The following MAP3K5 variants were observed in gnomAD, a reference collection of about 807,000 sequenced individuals.
The protein encoded by MAP3K5 is ASK-1.
A neutral mutation model predicts 158.7 loss-of-function variants in MAP3K5; 56 were observed. The observed-to-expected ratio is 0.35, with a 90% CI of 0.28 to 0.44. MAP3K5 has a LOEUF of 0.44. Among genes scored for constraint, MAP3K5 ranks in the 20% least tolerant of loss-of-function variants. MAP3K5 has a pLI of 1.00. For synonymous variants in MAP3K5, 579 were observed against 601.7 expected, an observed-to-expected ratio of 0.96 and a Z score of 0.55; for missense variants, 1,294 against 1,674.8, an observed-to-expected ratio of 0.77 and a Z score of 3.97.
intron 7 of MAP3K5, among the ~76,000 whole-genome samples, chr6:136,676,001 G>A (rs1276849357): frequency 6.6e-6 from 1 of 152,094 alleles, no homozygotes; most frequent in African/African-American, 2.4e-5. Flanking sequence ...AACAACATGG[G>A]TAAAATGAAA....
Position 136,613,079 on chromosome 6 carries a change from CAAAG to C in MAP3K5, c.2415+37_2415+40del. Reference sequence around the variant, plus strand: ...TTTTGCAAGTAAAATAATAACCCAGCAAAGAAAGAACTCATGAAAATGAATGCTG... The same window carrying C: ...TTTTGCAAGTAAAATAATAACCCAGCAAAGAACTCATGAAAATGAATGCTG... On this transcript the variant is annotated intron_variant, in intron 17 of 29. Coordinates refer to ENST00000359015, the MANE Select transcript of MAP3K5 (RefSeq NM_005923.4). This position sits in a 1 kb window ranked among gnomAD's most constrained non-coding sequence, Gnocchi z 4.0. 6 of 1,547,716 alleles carry C rather than the reference CAAAG, an allele frequency of 3.9e-6. No homozygotes were observed. The highest frequency in any genetic ancestry group is 5.2e-6 in the Non-Finnish European group (6 of 1,149,154).
At chr6:136,670,096 G>C (rs1279118656) in intron 7 of MAP3K5, among the ~76,000 whole-genome samples, 1 of 152,070 alleles carries the variant, frequency 6.6e-6, no homozygotes, top group Non-Finnish European at 1.5e-5. Flanking sequence ...GAAAAGCAGA[G>C]ATGTAGAGTA....
intron 8 of MAP3K5, among the ~76,000 whole-genome samples, chr6:136,666,966 GA>G (rs1779254692): frequency 6.6e-6 from 1 of 152,056 alleles, no homozygotes; most frequent in Non-Finnish European, 1.5e-5. Flanking sequence ...AGTTCTTCCT[GA>G]AAAAAATTAA....
Position 136,695,943 on chromosome 6 carries a change from C to T in MAP3K5, c.1082+8G>A. 6.4e-7 allele frequency: 1 copy of T among 1,572,724 alleles called. No individual in the cohort carries two copies. The highest frequency in any genetic ancestry group is 8.7e-7 in the Non-Finnish European group (1 of 1,147,452). On this transcript the variant is annotated splice_region_variant and intron_variant, in intron 6 of 29. Coordinates refer to ENST00000359015, the MANE Select transcript of MAP3K5 (RefSeq NM_005923.4). Reference sequence around the variant, plus strand: ...AACGCATTCTGGAAGGGAACTTTTTCTTCTTACCTATTCAGTGCAAATGCA... The same window carrying T: ...AACGCATTCTGGAAGGGAACTTTTTTTTCTTACCTATTCAGTGCAAATGCA...
chr6:136,678,685 T>G (rs936629408), intron 7 of MAP3K5, among the ~76,000 whole-genome samples: 21 of 152,324 alleles, frequency 1.4e-4, no homozygotes, highest in African/African-American at 5.1e-4. Flanking sequence ...GTTGATTTTT[T>G]TTTTATTTTA....
intron 1 of MAP3K5, among the ~76,000 whole-genome samples, chr6:136,783,630 G>A (rs865842939): frequency 2.0e-4 from 30 of 152,306 alleles, no homozygotes; most frequent in Middle Eastern, 3.4e-3. Flanking sequence ...GGCAAATGCT[G>A]GCATGTTCTA....
Position 136,791,878 on chromosome 6 carries a change from C to A in MAP3K5, c.280G>T (p.Ala94Ser), listed in dbSNP as rs1191470646. 6.2e-7 allele frequency: 1 copy of A among 1,613,468 alleles called. No individual in the cohort carries two copies. The highest frequency in any genetic ancestry group is 8.5e-7 in the Non-Finnish European group (1 of 1,179,994). Residue 94 changes from alanine (A) to serine (S), a missense_variant, in exon 1 of 30, where the codon GCA becomes TCA. Around this residue, in one of 5 missense-constraint regions of MAP3K5, gnomAD observed 690 missense variants for 870.5 expected, o/e 0.79. Coordinates refer to ENST00000359015, the MANE Select transcript of MAP3K5 (RefSeq NM_005923.4). ...VGGGSRRTTV[A>S]YVINEASQGQ... is the part of the protein sequence containing the mutation. ...TGGCTCGCTTCGTTGATCACATATG[C>A]CACCGTGGTCCGTCGGCTGCCCCCG...
intron 28 of MAP3K5, among the ~76,000 whole-genome samples, chr6:136,559,634 A>G (rs1001738784): frequency 6.6e-6 from 1 of 152,256 alleles, no homozygotes; most frequent in Non-Finnish European, 1.5e-5. Context: ...AAGCAAAGGC[A>G]CTTGACTGTA....
At chr6:136,734,955 TC>T (rs552895000) in intron 1 of MAP3K5, among the ~76,000 whole-genome samples, 431 of 152,326 alleles carry the variant, frequency 2.8e-3, no homozygotes, top group African/African-American at 0.01. Flanking sequence ...ATCCAACTGT[TC>T]CTCACAGATG....
At chr6:136,791,592 C>T in intron 1 of MAP3K5, 118 bp downstream of exon 1, 2 of 1,122,746 alleles carry the variant, frequency 1.8e-6, no homozygotes, top group Admixed American at 2.0e-5. Flanking sequence ...GCGCTCGCTG[C>T]CCCCAAAGTG....
intron 2 of MAP3K5, among the ~76,000 whole-genome samples, chr6:136,717,855 A>G: frequency 6.6e-6 from 1 of 152,186 alleles, no homozygotes; most frequent in Non-Finnish European, 1.5e-5. Flanking sequence ...CAGGCTAGGA[A>G]TAGTCTAAAT....
At chr6:136,680,666 A>G (rs1779894813) in intron 7 of MAP3K5, among the ~76,000 whole-genome samples, 1 of 152,204 alleles carries the variant, frequency 6.6e-6, no homozygotes, top group African/African-American at 2.4e-5. Flanking sequence ...TTTACAGTGT[A>G]CCCATGCAAA....
At chr6:136,639,369 C>T (rs1050968402) in intron 13 of MAP3K5, among the ~76,000 whole-genome samples, 174 bp downstream of exon 13, 8 of 133,118 alleles carry the variant, frequency 6.0e-5, no homozygotes, top group African/African-American at 2.9e-4. Flanking sequence ...TTAAAGAAAA[C>T]CCCCCCCCAA....
intron 8 of MAP3K5, among the ~76,000 whole-genome samples, chr6:136,661,336 T>C (rs939763175): frequency 6.6e-6 from 1 of 152,078 alleles, no homozygotes; most frequent in East Asian, 1.9e-4. Flanking sequence ...TTTCACGAGA[T>C]GAAAAAAAAA....
At chr6:136,689,605 T>C (rs1368108102) in intron 7 of MAP3K5, among the ~76,000 whole-genome samples, 1 of 152,186 alleles carries the variant, frequency 6.6e-6, no homozygotes, top group Non-Finnish European at 1.5e-5. Flanking sequence ...AAAGGATTAA[T>C]GCTGTTACAT....
At chr6:136,601,187 T>A in intron 20 of MAP3K5, 145 bp from the exon 21 acceptor site, 4 of 664,516 alleles carry the variant, frequency 6.0e-6, no homozygotes, top group Admixed American at 3.0e-5. Context: ...AATATAAACA[T>A]CAAAAAACGC....
chr6:136,706,889 G>A (rs79857826), intron 2 of MAP3K5, among the ~76,000 whole-genome samples: 10,305 of 152,324 alleles, frequency 0.068, 1,204 homozygotes, highest in African/African-American at 0.23. Flanking sequence ...GCTGACGCCT[G>A]TAAATCTCAG....
In MAP3K5 at chr6:136,613,182, T is replaced by C. The variant is rs542856542; in HGVS notation, c.2353A>G (p.Lys785Glu). The C allele has an allele frequency of 6.2e-7, 1 of 1,613,576 alleles. No individual in the cohort carries two copies. Among genetic ancestry groups the C allele is most frequent in the South Asian group, 1.1e-5 (1 of 90,986 alleles). ...DNEQTIGFYTKQILEGLKYLH... is the reference protein window; with the variant it reads ...DNEQTIGFYTEQILEGLKYLH... ...TATTTTAATCCTTCCAGTATTTGCT[T>C]TGTATAAAAGCCAATTGTTTGCTCA... Residue 785 changes from lysine (K) to glutamate (E), a missense_variant, in exon 17 of 30, where the codon AAG becomes GAG. By Grantham distance (56) the Lys-to-Glu change is moderately conservative. Around this residue, in one of 5 missense-constraint regions of MAP3K5, gnomAD observed 41 missense variants for 98.2 expected, o/e 0.42. Coordinates refer to ENST00000359015, the MANE Select transcript of MAP3K5 (RefSeq NM_005923.4). This position sits in a 1 kb window ranked among gnomAD's most constrained non-coding sequence, Gnocchi z 4.0.
chr6:136,563,065 C>T (rs984543443), intron 26 of MAP3K5, among the ~76,000 whole-genome samples: 5 of 151,934 alleles, frequency 3.3e-5, no homozygotes, highest in African/African-American at 7.3e-5. Flanking sequence ...TCCAGTGCCC[C>T]GGGGGTGAGT....
Sources: gnomAD v4.1 joint callset for allele counts (sites outside exome capture counted in the v4.1 genomes callset) on GRCh38, gnomAD v4.1.1 for gene constraint, gnomAD v4.1.1 regional missense constraint, Gnocchi (gnomAD v3.1) non-coding constraint, MANE v1.5 for transcripts, NCBI Gene and HGNC (gene_info 2026-07-23, HGNC 2026-07-21) for gene names.